The following CA10 variants were observed in gnomAD, a reference collection of about 807,000 sequenced individuals.
CA10 encodes the protein carbonic anhydrase-related protein 10.
In CA10, 14 loss-of-function variants were observed where a neutral mutation model predicts 44.2. The observed-to-expected ratio is 0.32, with a 90% confidence interval of 0.21 to 0.50. The LOEUF is 0.50. Among genes scored for constraint, CA10 ranks in the 20% least tolerant of loss-of-function variants. The pLI is 0.99. For synonymous variants in CA10, 159 were observed against 141.6 expected (o/e 1.12, Z -0.87); for missense variants, 350 against 409.7 (o/e 0.85, Z 1.26).
intron 3 of CA10, among the ~76,000 whole-genome samples, chr17:51,840,293 T>C (rs545782887): frequency 2.6e-4 from 40 of 152,322 alleles, no homozygotes; most frequent in African/African-American, 9.6e-4. Flanking sequence ...ACAGAGCTCA[T>C]GCTGTTTTTA....
chr17:51,864,659 A>G (rs1979465576), intron 3 of CA10, among the ~76,000 whole-genome samples: 1 of 152,246 alleles, frequency 6.6e-6, no homozygotes, highest in African/African-American at 2.4e-5. Flanking sequence ...ACTGTGTAAG[A>G]AAATCAAATT....
At chr17:51,671,608 G>C (rs1914427539) in intron 4 of CA10, among the ~76,000 whole-genome samples, 3 of 152,118 alleles carry the variant, frequency 2.0e-5, no homozygotes, top group African/African-American at 7.2e-5. Flanking sequence ...ATTTCACCGT[G>C]TTAGCCAGGA....
At chr17:51,696,103 C>T (rs941465605) in intron 4 of CA10, among the ~76,000 whole-genome samples, 7 of 152,114 alleles carry the variant, frequency 4.6e-5, no homozygotes, top group Admixed American at 6.5e-5. Context: ...CTATGTTCAT[C>T]AGGGATATTG....
intron 4 of CA10, among the ~76,000 whole-genome samples, chr17:51,733,944 C>T (rs938404584): frequency 6.6e-6 from 1 of 151,928 alleles, no homozygotes; most frequent in Non-Finnish European, 1.5e-5. Flanking sequence ...ATCACAGGGG[C>T]GTTTTACCTG....
intron 4 of CA10, among the ~76,000 whole-genome samples, chr17:51,707,134 T>G (rs1915787072): frequency 6.6e-6 from 1 of 152,200 alleles, no homozygotes; most frequent in Admixed American, 6.5e-5. Flanking sequence ...ATAGAAGCAA[T>G]GTGCTAGGTG....
intron 3 of CA10, among the ~76,000 whole-genome samples, chr17:51,850,488 G>T (rs972333189): frequency 6.6e-6 from 1 of 152,168 alleles, no homozygotes; most frequent in African/African-American, 2.4e-5. Flanking sequence ...TTGACCACTT[G>T]CAAGGGGTGA....
In CA10 at chr17:51,661,069, CA is replaced by C. The variant is rs549417899; in HGVS notation, c.466-7334del. Among the ~76,000 whole-genome samples, 11 of 152,242 alleles carry C rather than the reference CA, an allele frequency of 7.2e-5. No individual in the cohort carries two copies. The South Asian group carries it at 2.3e-3, about 32-fold the overall frequency. ...CACTGTCATGGCACTCTGTACTTTT[CA>C]AAATACATATCACAGTTTTAGCTTG... On this transcript the variant is annotated intron_variant, in intron 4 of 8. Transcript: ENST00000451037.
intron 3 of CA10, among the ~76,000 whole-genome samples, chr17:51,749,061 C>A (rs1032222198): frequency 6.6e-6 from 1 of 152,202 alleles, no homozygotes; most frequent in African/African-American, 2.4e-5. Context: ...CCCAGACTCA[C>A]CTTTCCCTGG....
At chr17:51,919,507 CAT>C (rs72459548) in intron 3 of CA10, among the ~76,000 whole-genome samples, 3,077 of 152,242 alleles carry the variant, frequency 0.02, 92 homozygotes, top group African/African-American at 0.07. Context: ...AAACTTAGCT[CAT>C]GTTTTTTTCT....
intron 2 of CA10, among the ~76,000 whole-genome samples, chr17:51,977,842 A>T (rs1003768633): frequency 6.6e-6 from 1 of 152,162 alleles, no homozygotes; most frequent in African/African-American, 2.4e-5. Flanking sequence ...AATACTGCAG[A>T]ATACAATCCA....
intron 2 of CA10, among the ~76,000 whole-genome samples, chr17:51,967,770 A>G (rs1298030774): frequency 1.3e-5 from 2 of 151,744 alleles, no homozygotes; most frequent in African/African-American, 2.4e-5. Flanking sequence ...CATTCTGAAC[A>G]TCAGCATCAC....
At chr17:51,929,117 T>C (rs1470409070) in intron 3 of CA10, among the ~76,000 whole-genome samples, 1 of 152,132 alleles carries the variant, frequency 6.6e-6, no homozygotes, top group African/African-American at 2.4e-5. Flanking sequence ...AAAAAATATC[T>C]CTAAAACAAA....
chr17:51,990,992 A>G (rs1443487528), intron 2 of CA10, among the ~76,000 whole-genome samples: 1 of 152,080 alleles, frequency 6.6e-6, no homozygotes, highest in African/African-American at 2.4e-5. Context: ...GTGTGCATAT[A>G]CCCTCACCAC....
chr17:52,081,002 C>T (rs566938192), intron 1 of CA10, among the ~76,000 whole-genome samples: 33 of 152,042 alleles, frequency 2.2e-4, no homozygotes, highest in African/African-American at 7.7e-4. Context: ...ATTAGGTGGG[C>T]GCAAAAGTAA....
intron 4 of CA10, among the ~76,000 whole-genome samples, chr17:51,675,058 G>C (rs1212171011): frequency 6.6e-6 from 1 of 152,194 alleles, no homozygotes; most frequent in East Asian, 1.9e-4. Flanking sequence ...TAAACAAACA[G>C]AACTGTCTCC....
rs150766447 is a variant in CA10 at position 51,775,638 on chromosome 17, G to A, written c.280-27820C>T. Among the ~76,000 whole-genome samples, 93 of 152,258 alleles carry A rather than the reference G, an allele frequency of 6.1e-4. 1 individual carries two copies. The East Asian group carries it at 0.01, about 17-fold the overall frequency. ...GTATGTATTTTAGTGGTGGAGAAAG[G>A]CATTTAACAATGAAATGCACAATTA... On this transcript the variant is annotated intron_variant, in intron 3 of 8. Transcript: ENST00000451037.
chr17:52,079,984 A>G (rs1040610151), intron 1 of CA10, among the ~76,000 whole-genome samples: 3 of 152,224 alleles, frequency 2.0e-5, no homozygotes, highest in Admixed American at 2.0e-4. Flanking sequence ...TTAATGGGTG[A>G]CAAAGTGACT....
At chr17:51,833,825 GTGTTGAC>G in intron 3 of CA10, among the ~76,000 whole-genome samples, 1 of 152,294 alleles carries the variant, frequency 6.6e-6, no homozygotes, top group East Asian at 1.9e-4. Flanking sequence ...ATATTGTGCT[GTGTTGAC>G]ATAAATTCAT....
At chr17:51,797,878 A>G (rs1906777122) in intron 3 of CA10, among the ~76,000 whole-genome samples, 1 of 146,982 alleles carries the variant, frequency 6.8e-6, no homozygotes, top group Admixed American at 6.8e-5. Flanking sequence ...AAAAAAAAGA[A>G]CGAAATCTAT....
Sources: gnomAD v4.1 joint callset for allele counts (sites outside exome capture counted in the v4.1 genomes callset) on GRCh38, gnomAD v4.1.1 for gene constraint, MANE v1.5 for transcripts, NCBI Gene and HGNC (gene_info 2026-07-23, HGNC 2026-07-21) for gene names.